IFT74: variants seen among roughly 807,000 people sequenced by gnomAD.
The protein encoded by IFT74 is intraflagellar transport 74, also known as intraflagellar transport protein 74 homolog.
A neutral mutation model predicts 96.7 loss-of-function variants in IFT74; 92 were observed. The observed-to-expected ratio is 0.95, with a 90% CI of 0.80 to 1.13. The LOEUF (loss-of-function observed/expected upper bound fraction) is 1.13, where lower values mean the gene tolerates loss of function less well. Among genes scored for constraint, IFT74 ranks in the 50% most tolerant of loss-of-function variants. The pLI is 0.00. For missense variants in IFT74, 811 were observed against 698.2 expected, an observed-to-expected ratio of 1.16 and a Z score of -1.82; for synonymous variants, 223 against 213.2, an observed-to-expected ratio of 1.05 and a Z score of -0.40.
intron 12 of IFT74, among the ~76,000 whole-genome samples, chr9:27,023,819 C>G (rs1829725865): frequency 6.6e-6 from 1 of 152,154 alleles, no homozygotes; most frequent in African/African-American, 2.4e-5. Context: ...CATAGCCAGC[C>G]CCATACAAGA....
In IFT74 at chr9:27,032,942, T is replaced by G. The variant is rs566796838; in HGVS notation, c.1054+3838T>G. Among the ~76,000 whole-genome samples the G allele has an allele frequency of 2.0e-5, 3 of 152,274 alleles. No homozygotes were observed. In the East Asian group the frequency reaches 5.8e-4, roughly 29 times the overall value. On this transcript the variant is annotated intron_variant, in intron 13 of 19. Transcript: ENST00000380062. Reference sequence around the variant, plus strand: ...AAGATTCAGATTAATTTTTTAAAATTGTAATTTTAAATATGAATCTGGCAT... The same window carrying G: ...AAGATTCAGATTAATTTTTTAAAATGGTAATTTTAAATATGAATCTGGCAT...
intron 12 of IFT74, among the ~76,000 whole-genome samples, chr9:27,020,633 C>G (rs1440306378): frequency 6.6e-6 from 1 of 151,904 alleles, no homozygotes; most frequent in East Asian, 1.9e-4. Context: ...CGCCACTGCG[C>G]CTGGCTAATT....
chr9:27,047,197 C>T, intron 14 of IFT74, 77 bp from the exon 15 acceptor site: 1 of 861,362 alleles, frequency 1.2e-6, no homozygotes, highest in South Asian at 1.7e-5. Context: ...AAAAAGCACT[C>T]TTAAGAACTG....
intron 13 of IFT74, chr9:27,036,641 C>A: frequency 5.0e-5 from 69 of 1,382,934 alleles, no homozygotes; most frequent in Admixed American, 1.2e-4. Context: ...GTTCATCTGG[C>A]ATTTTATTCA....
chr9:27,004,718 A>G (rs1170542302), intron 8 of IFT74, among the ~76,000 whole-genome samples: 3 of 152,090 alleles, frequency 2.0e-5, no homozygotes, highest in South Asian at 2.1e-4. Context: ...TTTTGAAATG[A>G]TAGTTGAGTT....
intron 18 of IFT74, among the ~76,000 whole-genome samples, chr9:27,057,666 G>A (rs1463311326): frequency 6.6e-6 from 1 of 152,032 alleles, no homozygotes; most frequent in African/African-American, 2.4e-5. Context: ...GACCATCCTG[G>A]CTAACAACGG....
intron 9 of IFT74, among the ~76,000 whole-genome samples, chr9:27,009,382 CTTA>C (rs1554672031): frequency 1.3e-5 from 2 of 152,086 alleles, no homozygotes; most frequent in Non-Finnish European, 2.9e-5. Context: ...AGCTTTTACT[CTTA>C]TTATTTTTGG....
intron 1 of IFT74, among the ~76,000 whole-genome samples, chr9:26,958,833 T>G (rs1216919073): frequency 6.6e-6 from 1 of 152,086 alleles, no homozygotes; most frequent in Non-Finnish European, 1.5e-5. Flanking sequence ...AAGGGGAGTT[T>G]AGAGAGAGAA....
intron 2 of IFT74, among the ~76,000 whole-genome samples, chr9:26,971,293 C>T (rs1826866039): frequency 6.6e-6 from 1 of 152,026 alleles, no homozygotes; most frequent in African/African-American, 2.4e-5. Context: ...TTAGAGCTTG[C>T]TTATTAGTTT....
chr9:26,963,667 G>T (rs929973856), intron 2 of IFT74, among the ~76,000 whole-genome samples: 1 of 151,876 alleles, frequency 6.6e-6, no homozygotes, highest in African/African-American at 2.4e-5. Context: ...GGTGTGAGAT[G>T]GTGTCTCATT....
At chr9:27,009,965 G>A (rs961141456) in intron 9 of IFT74, among the ~76,000 whole-genome samples, 1 of 151,098 alleles carries the variant, frequency 6.6e-6, no homozygotes, top group African/African-American at 2.4e-5. Context: ...TTTTTGTGCT[G>A]GAAACATTTT....
chr9:27,056,227 T>G (rs1691846089), intron 17 of IFT74, 107 bp from the exon 18 acceptor site: 1 of 851,236 alleles, frequency 1.2e-6, no homozygotes, highest in Non-Finnish European at 1.8e-6. Context: ...GTTATAGCCT[T>G]GATATAATTT....
chr9:27,033,365 C>G (rs1035088697), intron 13 of IFT74, among the ~76,000 whole-genome samples: 1 of 151,924 alleles, frequency 6.6e-6, no homozygotes, highest in Non-Finnish European at 1.5e-5. Context: ...CGAGACCAGC[C>G]TGGGCAACAG....
At chr9:27,045,085 A>G (rs1427604793) in intron 14 of IFT74, among the ~76,000 whole-genome samples, 1 of 152,226 alleles carries the variant, frequency 6.6e-6, no homozygotes, top group South Asian at 2.1e-4. Context: ...CCCAATCCCC[A>G]GGCTGCAGAC....
Position 26,988,717 on chromosome 9 carries a change from G to C in IFT74, c.514G>C (p.Asp172His). Residue 172 changes from aspartate (D) to histidine (H), a missense_variant, in exon 7 of 20, where the codon GAT (aspartate) becomes CAT (histidine). Asp to His is a moderately conservative substitution (Grantham distance 81). Transcript: ENST00000380062. ...TNTEMEEVMN[D>H]YNMLKAQNDR... The stretch of plus-strand genomic sequence containing the variant: ...CACTGAAATGGAAGAAGTAATGAAT[G>C]ATTACAATATGGTAAGAAAATTTAT... 1 of 1,538,628 alleles carries C rather than the reference G, an allele frequency of 6.5e-7. No individual in the cohort carries two copies. The highest frequency in any genetic ancestry group is 8.9e-7 in the Non-Finnish European group (1 of 1,128,182).
At chr9:27,038,077 C>T (rs541188772) in intron 13 of IFT74, among the ~76,000 whole-genome samples, 3 of 152,294 alleles carry the variant, frequency 2.0e-5, no homozygotes, top group East Asian at 3.9e-4. Context: ...CTAACCTTGA[C>T]TACAGTGTCA....
intron 13 of IFT74, among the ~76,000 whole-genome samples, chr9:27,038,449 G>C (rs1396412712): frequency 6.6e-6 from 1 of 152,104 alleles, no homozygotes; most frequent in Non-Finnish European, 1.5e-5. Context: ...TTTTAGTAGA[G>C]ATGGGTTTCA....
intron 18 of IFT74, among the ~76,000 whole-genome samples, 187 bp from the exon 19 acceptor site, chr9:27,060,404 G>A (rs1051288716): frequency 6.6e-6 from 1 of 151,324 alleles, no homozygotes. Context: ...CATGTTATAG[G>A]ATTCATCACT....
intron 1 of IFT74, among the ~76,000 whole-genome samples, chr9:26,957,035 AAT>A (rs1826139124): frequency 6.6e-6 from 1 of 152,232 alleles, no homozygotes; most frequent in Admixed American, 6.5e-5. Context: ...CTGAGGGGTT[AAT>A]TAAGGTGGCA....
Sources: allele counts gnomAD v4.1 joint callset (sites outside exome capture counted in the v4.1 genomes callset), GRCh38; gene constraint gnomAD v4.1.1; transcripts MANE v1.5; gene names NCBI Gene and HGNC (gene_info 2026-07-23, HGNC 2026-07-21).